The following RMND5A variants were observed in gnomAD, a reference collection of about 807,000 sequenced individuals.
RMND5A encodes the protein required for meiotic nuclear division 5 homolog A, also known as E3 ubiquitin-protein transferase RMND5A.
A neutral mutation model predicts 49.7 loss-of-function variants in RMND5A; 17 were observed. The observed-to-expected ratio is 0.34, with a 90% confidence interval of 0.23 to 0.51. The LOEUF is 0.51. Ranked by LOEUF, RMND5A falls within the 20% of genes least tolerant of loss-of-function variation. The pLI is 0.96. For missense variants in RMND5A, 255 were observed against 471.3 expected, an observed-to-expected ratio of 0.54 and a Z score of 4.25; for synonymous variants, 156 against 167.7, an observed-to-expected ratio of 0.93 and a Z score of 0.54.
chr2:86,743,264 T>A (rs1042263844), intron 2 of RMND5A, among the ~76,000 whole-genome samples: 1 of 152,170 alleles, frequency 6.6e-6, no homozygotes, highest in Non-Finnish European at 1.5e-5. Flanking sequence ...AACACATTTA[T>A]AATGAATAAT....
chr2:86,770,235 G>A (rs1672666405), intron 7 of RMND5A, 110 bp downstream of exon 7: 1 of 812,292 alleles, frequency 1.2e-6, no homozygotes, highest in African/African-American at 1.7e-5. Context: ...CCATTTGACA[G>A]GAGTTCTTTT....
intron 4 of RMND5A, among the ~76,000 whole-genome samples, chr2:86,759,395 G>A (rs191923326): frequency 4.6e-5 from 7 of 152,194 alleles, no homozygotes; most frequent in African/African-American, 1.2e-4. Flanking sequence ...GGGTTTGTTG[G>A]TGGAAAGGCC....
At chr2:86,762,171 G>A (rs1390650123) in intron 4 of RMND5A, among the ~76,000 whole-genome samples, 1 of 152,202 alleles carries the variant, frequency 6.6e-6, no homozygotes, top group African/African-American at 2.4e-5. Context: ...AGAAATCACT[G>A]TAATATGGTA....
intron 1 of RMND5A, among the ~76,000 whole-genome samples, chr2:86,721,331 A>G (rs1432510898): frequency 6.6e-6 from 1 of 151,868 alleles, no homozygotes; most frequent in African/African-American, 2.4e-5. Flanking sequence ...GTCGAGCGTT[A>G]TTCTTAGCTG....
At chr2:86,767,976 T>C (rs1273299126) in intron 6 of RMND5A, among the ~76,000 whole-genome samples, 1 of 152,216 alleles carries the variant, frequency 6.6e-6, no homozygotes, top group Non-Finnish European at 1.5e-5. Context: ...TCTGTTAAGG[T>C]AGGCATTCAG....
chr2:86,734,365 T>C (rs1428403123), intron 1 of RMND5A, among the ~76,000 whole-genome samples: 3 of 149,670 alleles, frequency 2.0e-5, no homozygotes, highest in Admixed American at 6.6e-5. Context: ...GATTTGAAAA[T>C]ATCAGTGGAT....
chr2:86,740,590 GT>G (rs1232621910), intron 1 of RMND5A, among the ~76,000 whole-genome samples: 1 of 119,264 alleles, frequency 8.4e-6, no homozygotes, highest in African/African-American at 3.3e-5. Flanking sequence ...CTTGAACAGT[GT>G]AACTGGGTTT....
intron 3 of RMND5A, among the ~76,000 whole-genome samples, chr2:86,752,978 C>T (rs1681661814): frequency 6.6e-6 from 1 of 152,218 alleles, no homozygotes; most frequent in Non-Finnish European, 1.5e-5. Flanking sequence ...AAAAGACCCA[C>T]AATTACAGTG....
Position 86,753,471 on chromosome 2 carries a change from C to G in RMND5A, c.434C>G (p.Ser145Cys), listed in dbSNP as rs1681674122. 8 of 1,605,780 alleles carry G rather than the reference C, an allele frequency of 5.0e-6. No individual in the cohort carries two copies. The highest frequency in any genetic ancestry group is 2.2e-5 in the East Asian group (1 of 44,812). Residue 145 changes from serine to cysteine, a missense_variant, in exon 4 of 9, where the codon TCT becomes TGT. Transcript: ENST00000283632. ...AEELCQESGLSVDPSQKEPFV... is the reference protein window; with the variant it reads ...AEELCQESGLCVDPSQKEPFV... Reference sequence around the variant, plus strand: ...TTCTTTTTCCAGGAATCTGGTCTTTCTGTAGACCCAAGTCAGAAGGAACCA... The same window carrying G: ...TTCTTTTTCCAGGAATCTGGTCTTTGTGTAGACCCAAGTCAGAAGGAACCA...
chr2:86,737,593 ATG>A lies in RMND5A; in HGVS notation c.143-3332_143-3331del, dbSNP rs1491370613. On this transcript the variant is annotated intron_variant, in intron 1 of 8. Coordinates refer to ENST00000283632, the MANE Select transcript of RMND5A (RefSeq NM_022780.4). ...AAGTATCATATATATATATATATAT[ATG>A]TCAGTGACTCACAAATTTGTATCTC... Among the ~76,000 whole-genome samples the A allele has an allele frequency of 3.4e-5, 4 of 117,984 alleles. No homozygotes were observed. In the East Asian group the frequency reaches 1.0e-3, roughly 31 times the overall value. The allele number at this position is 117,984 out of a possible 152,430, so 77.4% of individuals were successfully genotyped here.
chr2:86,764,499 T>A (rs994893070), intron 4 of RMND5A, among the ~76,000 whole-genome samples: 2 of 152,220 alleles, frequency 1.3e-5, no homozygotes, highest in Non-Finnish European at 2.9e-5. Flanking sequence ...CAGTAAGATT[T>A]ACTGTATGAT....
chr2:86,760,109 A>G (rs898573872), intron 4 of RMND5A, among the ~76,000 whole-genome samples: 1 of 151,804 alleles, frequency 6.6e-6, no homozygotes, highest in Non-Finnish European at 1.5e-5. Context: ...CAATGGCGCA[A>G]TCTTGGCTCA....
intron 4 of RMND5A, among the ~76,000 whole-genome samples, chr2:86,756,067 A>G (rs1337686790): frequency 6.6e-6 from 1 of 152,128 alleles, no homozygotes; most frequent in Non-Finnish European, 1.5e-5. Flanking sequence ...GTCCCCCAGT[A>G]TTCTCATTTG....
intron 4 of RMND5A, among the ~76,000 whole-genome samples, chr2:86,763,827 AC>A (rs1169666637): frequency 6.6e-6 from 1 of 152,112 alleles, no homozygotes; most frequent in East Asian, 1.9e-4. Context: ...ACTTGGTGTT[AC>A]CACTTGACTG....
intron 1 of RMND5A, among the ~76,000 whole-genome samples, chr2:86,729,250 C>G (rs535406572): frequency 1.1e-4 from 17 of 152,268 alleles, no homozygotes; most frequent in Non-Finnish European, 2.1e-4. Flanking sequence ...AAAAACAAGA[C>G]CACGGCACAC....
chr2:86,755,618 G>T (rs1461653670), intron 4 of RMND5A, among the ~76,000 whole-genome samples: 1 of 152,172 alleles, frequency 6.6e-6, no homozygotes, highest in Non-Finnish European at 1.5e-5. Flanking sequence ...CATAGTATTT[G>T]CTACCTTAGC....
At chr2:86,765,556 ACT>A (rs1047403536) in intron 5 of RMND5A, 24 of 361,268 alleles carry the variant, frequency 6.6e-5, no homozygotes, top group African/African-American at 5.1e-4. Flanking sequence ...GGAAACATTA[ACT>A]CTGCAGTCAG....
chr2:86,750,794 G>A (rs1391021430), intron 2 of RMND5A, among the ~76,000 whole-genome samples: 3 of 146,652 alleles, frequency 2.0e-5, no homozygotes, highest in East Asian at 2.0e-4. Context: ...TTTTAAACTG[G>A]TGTTCAGATT....
chr2:86,743,364 C>CT (rs201954475), intron 2 of RMND5A, among the ~76,000 whole-genome samples: 3,578 of 142,022 alleles, frequency 0.025, 109 homozygotes, highest in East Asian at 0.11. Context: ...CTTTTGAGGA[C>CT]TTTTTTTTTT....
Sources: gnomAD v4.1 joint callset for allele counts (sites outside exome capture counted in the v4.1 genomes callset) on GRCh38, gnomAD v4.1.1 for gene constraint, MANE v1.5 for transcripts, NCBI Gene and HGNC (gene_info 2026-07-23, HGNC 2026-07-21) for gene names.